STX7: variants seen among roughly 807,000 people sequenced by gnomAD.
STX7 encodes the protein syntaxin 7.
STX7 carries 34 observed loss-of-function variants against 39.6 expected under a neutral mutation model. That is an observed-to-expected ratio of 0.86 (90% CI 0.65 to 1.14). STX7 has a LOEUF of 1.14. Among genes scored for constraint, STX7 ranks in the 50% most tolerant of loss-of-function variants. The pLI is 0.00. For missense variants in STX7, 284 were observed against 310.4 expected (o/e 0.92, Z 0.64); for synonymous variants, 119 against 99.1 (o/e 1.20, Z -1.19).
chr6:132,509,495 A>G, intron 1 of STX7, among the ~76,000 whole-genome samples: 1 of 122,294 alleles, frequency 8.2e-6, no homozygotes, highest in African/African-American at 3.4e-5. Flanking sequence ...AACATAACAT[A>G]ACATAACATA....
chr6:132,511,488 G>A (rs1428498845), intron 1 of STX7, among the ~76,000 whole-genome samples: 1 of 152,142 alleles, frequency 6.6e-6, no homozygotes, highest in African/African-American at 2.4e-5. Flanking sequence ...ATTAATCACT[G>A]TTTATTATTT....
chr6:132,457,975 C>T lies in STX7; in HGVS notation c.*2783G>A, dbSNP rs1055421169. 1 of 152,088 alleles carries T rather than the reference C, an allele frequency of 6.6e-6. No homozygotes were observed. Among genetic ancestry groups the T allele is most frequent in the African/African-American group, 2.4e-5 (1 of 41,386 alleles). The allele number at this position is 152,088 out of a possible 1,614,324, so 9.4% of individuals were successfully genotyped here. The stretch of plus-strand genomic sequence containing the variant: ...GACATTCATTTTTTCTACATGAAGA[C>T]ACAAATAAAAATTATACCAACTACA... On this transcript the variant is annotated 3_prime_UTR_variant, in exon 10 of 10. Coordinates refer to ENST00000367941, the MANE Select transcript of STX7 (RefSeq NM_003569.3).
At chr6:132,484,037 GA>G in intron 2 of STX7, among the ~76,000 whole-genome samples, 2 of 151,404 alleles carry the variant, frequency 1.3e-5, no homozygotes, top group Middle Eastern at 6.8e-3. Context: ...AAAGAATTAA[GA>G]ATAAACAGTT....
chr6:132,499,963 T>C (rs1163042522), intron 2 of STX7, among the ~76,000 whole-genome samples: 2 of 152,190 alleles, frequency 1.3e-5, no homozygotes, highest in African/African-American at 4.8e-5. Flanking sequence ...GCAAAAACTA[T>C]GGAGTCATCT....
chr6:132,468,342 A>G, intron 8 of STX7, 61 bp downstream of exon 8: 1 of 1,283,598 alleles, frequency 7.8e-7, no homozygotes, highest in Non-Finnish European at 1.1e-6. Flanking sequence ...TGAGAAAGTT[A>G]CAGCAGGTAA....
chr6:132,512,712 C>G (rs1319484947), intron 1 of STX7, among the ~76,000 whole-genome samples: 1 of 152,200 alleles, frequency 6.6e-6, no homozygotes, highest in Non-Finnish European at 1.5e-5. Flanking sequence ...GCCTCCGGAG[C>G]TCTGCCCAGG....
chr6:132,499,252 C>CT (rs1373392894), intron 2 of STX7, among the ~76,000 whole-genome samples: 3 of 152,342 alleles, frequency 2.0e-5, no homozygotes, highest in Admixed American at 6.5e-5. Flanking sequence ...GCAGAGTCTG[C>CT]TAGTTGCCTA....
At chr6:132,486,664 GT>G (rs386408642) in intron 2 of STX7, among the ~76,000 whole-genome samples, 3,986 of 125,070 alleles carry the variant, frequency 0.032, 122 homozygotes, top group African/African-American at 0.11. Flanking sequence ...TTTTTTCTGG[GT>G]TTTTTTTTTT....
chr6:132,480,764 G>C (rs1774997775), intron 2 of STX7, among the ~76,000 whole-genome samples: 1 of 152,252 alleles, frequency 6.6e-6, no homozygotes, highest in African/African-American at 2.4e-5. Flanking sequence ...AAGAAGGCAA[G>C]AGGAAAGTGG....
At chr6:132,483,627 C>T (rs1775062631) in intron 2 of STX7, among the ~76,000 whole-genome samples, 1 of 152,116 alleles carries the variant, frequency 6.6e-6, no homozygotes, top group Non-Finnish European at 1.5e-5. Flanking sequence ...ATTTTTATAG[C>T]ATATTTGCTG....
chr6:132,512,875 C>T (rs887304982), intron 1 of STX7, 132 bp downstream of exon 1: 1 of 152,228 alleles, frequency 6.6e-6, no homozygotes, highest in African/African-American at 2.4e-5. Context: ...TCCTAGCCTC[C>T]CGAGTGCCTG....
At chr6:132,468,788 A>G (rs1774629290) in intron 7 of STX7, among the ~76,000 whole-genome samples, 1 of 152,240 alleles carries the variant, frequency 6.6e-6, no homozygotes, top group African/African-American at 2.4e-5. Context: ...AGTTCATTTT[A>G]TACAACCTGA....
intron 8 of STX7, among the ~76,000 whole-genome samples, chr6:132,464,772 G>A (rs1582646936): frequency 1.3e-5 from 2 of 152,108 alleles, no homozygotes; most frequent in Admixed American, 6.6e-5. Flanking sequence ...AGTGCTGAAG[G>A]CCATTTACTC....
chr6:132,511,235 C>T (rs1428856350), intron 1 of STX7, among the ~76,000 whole-genome samples: 1 of 152,208 alleles, frequency 6.6e-6, no homozygotes, highest in African/African-American at 2.4e-5. Flanking sequence ...ACATAAAATT[C>T]CAGTGCCTTC....
intron 5 of STX7, among the ~76,000 whole-genome samples, chr6:132,471,228 AT>A (rs1343649543): frequency 6.6e-6 from 1 of 152,192 alleles, no homozygotes; most frequent in African/African-American, 2.4e-5. Flanking sequence ...ATGTCTCTAT[AT>A]TTTTATATAC....
intron 1 of STX7, among the ~76,000 whole-genome samples, chr6:132,504,466 A>G (rs1052658138): frequency 6.6e-6 from 1 of 152,184 alleles, no homozygotes; most frequent in African/African-American, 2.4e-5. Context: ...AAGGTTGAAA[A>G]GGAATGTCCC....
intron 2 of STX7, among the ~76,000 whole-genome samples, chr6:132,488,516 T>A (rs1473176245): frequency 1.3e-5 from 2 of 152,224 alleles, no homozygotes; most frequent in African/African-American, 4.8e-5. Flanking sequence ...TCCTTGCAGT[T>A]TTGTCAGTGT....
At chr6:132,481,735 A>C (rs904196267) in intron 2 of STX7, among the ~76,000 whole-genome samples, 23 of 148,224 alleles carry the variant, frequency 1.6e-4, no homozygotes, top group African/African-American at 6.1e-4. Context: ...AGAAAAGGAC[A>C]AAAAAACCCC....
rs115722602 is a variant in STX7, at chr6:132,500,511, C to T, written c.85+2935G>A. On this transcript the variant is annotated intron_variant, in intron 2 of 9. Coordinates refer to ENST00000367941, the MANE Select transcript of STX7 (RefSeq NM_003569.3). ...TCCCTCCTCATCCTCATTCAAAGAC[C>T]ATCTAAAGTAAAGGTAGCTTCCCCA... is the stretch of plus-strand genomic sequence containing the variant. Among the ~76,000 whole-genome samples, 1,226 of 152,228 alleles carry T rather than the reference C, an allele frequency of 8.1e-3. 19 individuals carry two copies. Among genetic ancestry groups the T allele is most frequent in the African/African-American group, 0.028 (1,167 of 41,540 alleles).
Sources: gnomAD v4.1 joint callset for allele counts (sites outside exome capture counted in the v4.1 genomes callset) on GRCh38, gnomAD v4.1.1 for gene constraint, MANE v1.5 for transcripts, NCBI Gene and HGNC (gene_info 2026-07-23, HGNC 2026-07-21) for gene names.